CNNM2: variants seen among roughly 807,000 people sequenced by gnomAD.
CNNM2 encodes the protein cyclin and CBS domain divalent metal cation transport mediator 2.
In CNNM2, 12 loss-of-function variants were observed where a neutral mutation model predicts 66.9. The observed-to-expected ratio is 0.18, with a 90% CI of 0.11 to 0.29. CNNM2 has a LOEUF of 0.29. CNNM2 is among the 10% of genes least tolerant of loss of function. The pLI, the probability that CNNM2 is intolerant of heterozygous loss-of-function variation, is 1.00. For synonymous variants in CNNM2, 557 were observed against 501.8 expected (o/e 1.11, Z -1.47); for missense variants, 705 against 1,167.7 (o/e 0.60, Z 5.77).
intron 1 of CNNM2, among the ~76,000 whole-genome samples, chr10:102,978,934 T>C (rs1253471508): frequency 6.6e-6 from 1 of 152,242 alleles, no homozygotes; most frequent in East Asian, 1.9e-4. Flanking sequence ...TCATCCATGA[T>C]GTTTTATGAA....
Position 103,054,500 on chromosome 10 carries a change from C to T in CNNM2, c.1903+34C>T, listed in dbSNP as rs368116910. ...AGCTTATCACAGTTTGAGATCTCTA[C>T]CAACCCTGAAGCGTGTTTCTCACCC... is the stretch of plus-strand genomic sequence containing the variant. On this transcript the variant is annotated intron_variant, in intron 3 of 7. Coordinates refer to ENST00000369878, the MANE Select transcript of CNNM2 (RefSeq NM_017649.5). The surrounding 1 kb of genome is among the most constrained non-coding windows in gnomAD (Gnocchi z 5.2). 2 of 1,607,376 alleles carry T rather than the reference C, an allele frequency of 1.2e-6. No individual in the cohort carries two copies. Among genetic ancestry groups the T allele is most frequent in the African/African-American group, 2.7e-5 (2 of 74,746 alleles).
chr10:102,949,466 C>T (rs565496689), intron 1 of CNNM2, among the ~76,000 whole-genome samples: 97 of 151,914 alleles, frequency 6.4e-4, no homozygotes, highest in Middle Eastern at 6.8e-3. Context: ...TGAGCCACCA[C>T]ACCTGGCGGT....
chr10:102,922,193 G>A (rs988198396), intron 1 of CNNM2, among the ~76,000 whole-genome samples: 4 of 152,236 alleles, frequency 2.6e-5, no homozygotes, highest in African/African-American at 9.6e-5. Context: ...ATTCAAGCTA[G>A]TGGCATATTC....
At chr10:102,993,805 T>G (rs1018078086) in intron 1 of CNNM2, among the ~76,000 whole-genome samples, 1 of 152,152 alleles carries the variant, frequency 6.6e-6, no homozygotes, top group Non-Finnish European at 1.5e-5. Flanking sequence ...CTTCCTTCCT[T>G]CCCAGAGCCT....
At chr10:102,991,042 G>A (rs183282742) in intron 1 of CNNM2, among the ~76,000 whole-genome samples, 12 of 152,140 alleles carry the variant, frequency 7.9e-5, no homozygotes, top group African/African-American at 2.4e-4. Flanking sequence ...GCTGGAGTGC[G>A]GTGGTGCGAT....
intron 4 of CNNM2, among the ~76,000 whole-genome samples, chr10:103,060,849 T>C (rs1347022520): frequency 2.6e-5 from 4 of 152,154 alleles, no homozygotes; most frequent in Admixed American, 6.5e-5. Context: ...GCATGTACTA[T>C]TTAATTTAAA....
intron 5 of CNNM2, among the ~76,000 whole-genome samples, chr10:103,070,159 A>G (rs575722915): frequency 2.0e-5 from 3 of 152,158 alleles, no homozygotes; most frequent in Admixed American, 1.3e-4. Flanking sequence ...CACTGTGAAC[A>G]TGGGCCTGTC....
Position 103,076,199 on chromosome 10 carries a change from A to T in CNNM2, c.2347A>T (p.Asn783Tyr). ...ACTGGGGAGCAGCAATAACCAGCTC[A>T]ATTCTTCGCTCCTCCAAGTCTACAT... ...PTLGSSNNQL[N>Y]SSLLQVYIPD... Residue 783 changes from asparagine to tyrosine, a missense_variant, in exon 7 of 8, where the codon AAT becomes TAT. This residue lies in a region of CNNM2 where 194 missense variants were observed against 227.6 expected (regional missense o/e 0.85). Transcript: ENST00000369878. 6.3e-7 allele frequency: 1 copy of T among 1,593,616 alleles called. No homozygotes were observed. The highest frequency in any genetic ancestry group is 2.3e-5 in the East Asian group (1 of 43,990).
Position 103,077,296 on chromosome 10 carries a change from C to A in CNNM2, c.*116C>A. On this transcript the variant is annotated 3_prime_UTR_variant, in exon 8 of 8. Coordinates refer to ENST00000369878, the MANE Select transcript of CNNM2 (RefSeq NM_017649.5). ...CCGCCATGCTGTACCCTGCAACATC[C>A]TGAGACCAAAGACCTTGTGCCCTTC... 1.1e-6 allele frequency: 1 copy of A among 908,628 alleles called. No homozygotes were observed. 56.3% of individuals were successfully genotyped at this position (908,628 alleles called of 1,614,324 possible).
chr10:103,069,960 G>A (rs997790293), intron 5 of CNNM2, among the ~76,000 whole-genome samples: 3 of 152,200 alleles, frequency 2.0e-5, no homozygotes, highest in African/African-American at 7.2e-5. Context: ...GGTCTTCATC[G>A]ACTGCTCCAC....
intron 1 of CNNM2, among the ~76,000 whole-genome samples, chr10:103,043,106 C>T (rs937105670): frequency 3.9e-5 from 6 of 152,178 alleles, no homozygotes; most frequent in Admixed American, 3.3e-4. Context: ...TCTGTGCTAA[C>T]GGTGCCCCCT....
rs2063793789 is a variant in CNNM2, at chr10:102,986,157, G to A, written c.1622-63550G>A. 2.0e-5 allele frequency among the ~76,000 whole-genome samples: 3 copies of A among 152,298 alleles called. No homozygotes were observed. In the South Asian group the frequency reaches 6.2e-4, roughly 32 times the overall value. On this transcript the variant is annotated intron_variant, in intron 1 of 7. Coordinates refer to ENST00000369878, the MANE Select transcript of CNNM2 (RefSeq NM_017649.5). ...GATAATGCATGTGATTTAGACTTGA[G>A]TGTGTAAAAGGCTTAGGGTAGTGCT...
chr10:102,935,438 G>T (rs11191466), intron 1 of CNNM2, among the ~76,000 whole-genome samples: 2 of 151,844 alleles, frequency 1.3e-5, no homozygotes, highest in Non-Finnish European at 2.9e-5. Flanking sequence ...TCCAGTCTGA[G>T]CAACAGAGGA....
intron 6 of CNNM2, among the ~76,000 whole-genome samples, chr10:103,074,205 T>A (rs1404095821): frequency 1.3e-5 from 2 of 151,940 alleles, no homozygotes; most frequent in African/African-American, 2.4e-5. Flanking sequence ...AGAGAATTGC[T>A]TGAACCTGGG....
chr10:103,066,938 C>A lies in CNNM2; in HGVS notation c.2074-1691C>A, dbSNP rs1231654134. Among the ~76,000 whole-genome samples the A allele has an allele frequency of 3.3e-5, 5 of 152,066 alleles. No individual in the cohort carries two copies. In the East Asian group the frequency reaches 9.6e-4, roughly 29 times the overall value. The stretch of plus-strand genomic sequence containing the variant: ...TCATGGGTGGAGTTGTAAGTTTATA[C>A]GGCAAGATAATTGGCTAGGGACTGG... On this transcript the variant is annotated intron_variant, in intron 4 of 7. Transcript: ENST00000369878.
chr10:103,042,118 T>A (rs1420799201), intron 1 of CNNM2, among the ~76,000 whole-genome samples: 4 of 152,252 alleles, frequency 2.6e-5, no homozygotes, highest in Non-Finnish European at 5.9e-5. Context: ...GCGGCAGCTC[T>A]GTTCCTCTCA....
At chr10:102,985,966 GC>G (rs2063791084) in intron 1 of CNNM2, among the ~76,000 whole-genome samples, 1 of 152,126 alleles carries the variant, frequency 6.6e-6, no homozygotes, top group Non-Finnish European at 1.5e-5. Context: ...TTAGCTTGGT[GC>G]CAAAGTGATT....
At chr10:102,937,985 G>C (rs1370972294) in intron 1 of CNNM2, among the ~76,000 whole-genome samples, 1 of 151,902 alleles carries the variant, frequency 6.6e-6, no homozygotes, top group Non-Finnish European at 1.5e-5. Context: ...CTTTACTAAA[G>C]TCTGTTAAAA....
chr10:103,002,830 C>G (rs145771289), intron 1 of CNNM2, among the ~76,000 whole-genome samples: 46 of 152,238 alleles, frequency 3.0e-4, no homozygotes, highest in Admixed American at 5.2e-4. Context: ...TCTAACTGCT[C>G]TGAAATAGTT....
Sources: allele counts gnomAD v4.1 joint callset (sites outside exome capture counted in the v4.1 genomes callset), GRCh38; gene constraint gnomAD v4.1.1; regional missense constraint gnomAD v4.1.1; non-coding constraint Gnocchi (gnomAD v3.1); transcripts MANE v1.5; gene names NCBI Gene and HGNC (gene_info 2026-07-23, HGNC 2026-07-21).